GUCY2D: variants seen among roughly 807,000 people sequenced by gnomAD.
GUCY2D encodes retinal guanylyl cyclase 1.
In GUCY2D, 70 loss-of-function variants were observed where a neutral mutation model predicts 101.3. That is an observed-to-expected ratio of 0.69 (90% confidence interval 0.57 to 0.84). The LOEUF is 0.84. GUCY2D is among the 40% of genes least tolerant of loss of function. The probability of loss-of-function intolerance (pLI) is 0.00; values close to 1 mark genes in which losing one functional copy is unlikely to be tolerated. For synonymous variants in GUCY2D, 688 were observed against 670.7 expected (o/e 1.03, Z -0.40); for missense variants, 1,460 against 1,542.5 (o/e 0.95, Z 0.90).
chr17:8,015,675 C>G (rs1975954285), intron 15 of GUCY2D, 68 bp from the exon 16 acceptor site: 1 of 1,287,358 alleles, frequency 7.8e-7, no homozygotes, highest in South Asian at 1.3e-5. Flanking sequence ...GAAGATCCCC[C>G]GAGGCCCTAC....
chr17:8,003,940 T>C lies in GUCY2D; in HGVS notation c.810T>C (p.Asp270=). The C allele has an allele frequency of 1.2e-6, 2 of 1,613,660 alleles. No individual in the cohort carries two copies. The highest frequency in any genetic ancestry group is 1.7e-6 in the Non-Finnish European group (2 of 1,179,876). The change falls in exon 3 of 20, where the codon GAT becomes GAC. Residue 270 remains aspartate, a synonymous_variant. Transcript: ENST00000254854. ...LEAAEELGLT[D]GSLVFLPFDT... is the part of the protein sequence containing the mutation. ...CCGCAGAGGAGCTGGGCCTGACCGA[T>C]GGCTCCCTGGTCTTCCTGCCCTTCG... is the stretch of plus-strand genomic sequence containing the variant.
Position 8,013,859 on chromosome 17 carries a change from A to C in GUCY2D, c.2264-21A>C, listed in dbSNP as rs781114491. ...TTGTGTTCTGGGGGCACTCCCCCTC[A>C]CTGTCCCCTCATGCCTCCAGAAGTG... On this transcript the variant is annotated intron_variant, in intron 11 of 19. Coordinates refer to ENST00000254854, the MANE Select transcript of GUCY2D (RefSeq NM_000180.4). This position sits in a 1 kb window ranked among gnomAD's most constrained non-coding sequence, Gnocchi z 5.0. 6.2e-7 allele frequency: 1 copy of C among 1,611,438 alleles called. No homozygotes were observed.
Position 8,013,246 on chromosome 17 carries a change from C to T in GUCY2D, c.2257C>T (p.Pro753Ser). 6.2e-7 allele frequency: 1 copy of T among 1,614,050 alleles called. No individual in the cohort carries two copies. Among genetic ancestry groups the T allele is most frequent in the African/African-American group, 1.3e-5 (1 of 75,048 alleles). ...SAPYAMLELT[P>S]EEVVQRVRSP... is the part of the protein sequence containing the mutation. ...CCCTTATGCCATGCTGGAGCTCACT[C>T]CCGAGGGTAAGGCTGCCCTGTGCGT... The change falls in exon 11 of 20, where the codon CCC becomes TCC. Residue 753 changes from proline (P) to serine (S), a missense_variant. This residue lies in a region of GUCY2D where 1,196 missense variants were observed against 1,229.6 expected (regional missense o/e 0.97). Transcript: ENST00000254854. The surrounding 1 kb of genome is among the most constrained non-coding windows in gnomAD (Gnocchi z 5.0).
intron 19 of GUCY2D, among the ~76,000 whole-genome samples, chr17:8,019,499 A>C (rs1409000787): frequency 2.6e-5 from 4 of 152,160 alleles, no homozygotes; most frequent in Non-Finnish European, 5.9e-5. Flanking sequence ...CCTCAAGCTC[A>C]AGTGACCAGA....
In GUCY2D at chr17:8,015,522, A is replaced by C; in HGVS notation, c.2944+20A>C. On this transcript the variant is annotated intron_variant, in intron 15 of 19. Transcript: ENST00000254854. ...ACTCGGGTAACTCCCGGGTCTTCCCAGGCTCCAGCCCATCTCCCTCTTTAG... is the reference window on the plus strand; with the variant it reads ...ACTCGGGTAACTCCCGGGTCTTCCCCGGCTCCAGCCCATCTCCCTCTTTAG... 1 of 1,603,738 alleles carries C rather than the reference A, an allele frequency of 6.2e-7. No individual in the cohort carries two copies. The highest frequency in any genetic ancestry group is 8.5e-7 in the Non-Finnish European group (1 of 1,174,932).
At position 8,003,870 on chromosome 17, in the gene GUCY2D, A is replaced by G. The variant is rs768206746; in HGVS notation, c.740A>G (p.His247Arg). 2 of 1,612,540 alleles carry G rather than the reference A, an allele frequency of 1.2e-6. No homozygotes were observed. The highest frequency in any genetic ancestry group is 1.3e-5 in the African/African-American group (1 of 74,840). The change falls in exon 3 of 20, where the codon CAC becomes CGC. Residue 247 changes from histidine (H) to arginine (R), a missense_variant. His to Arg is a conservative substitution (Grantham distance 29, BLOSUM62 0). Coordinates refer to ENST00000254854, the MANE Select transcript of GUCY2D (RefSeq NM_000180.4). Reference sequence around the variant, plus strand: ...TCCGCAGCAGTGATCATGGTGATGCACTCGGTGCTGCTGGGTGGCGAGGAG... The same window carrying G: ...TCCGCAGCAGTGATCATGGTGATGCGCTCGGTGCTGCTGGGTGGCGAGGAG... ...PRVTAVIMVM[H>R]SVLLGGEEQR...
At position 8,016,196 on chromosome 17, in the gene GUCY2D, T is replaced by A; in HGVS notation, c.3139-9T>A. The A allele has an allele frequency of 6.4e-7, 1 of 1,569,518 alleles. No homozygotes were observed. The highest frequency in any genetic ancestry group is 8.7e-7 in the Non-Finnish European group (1 of 1,152,724). ...CGCCTAAGTCCTTCCCTCTCCCATG[T>A]CTCCCCAGGGCAAGGGCGCCGAGGA... On this transcript the variant is annotated splice_polypyrimidine_tract_variant and intron_variant, in intron 17 of 19. Coordinates refer to ENST00000254854, the MANE Select transcript of GUCY2D (RefSeq NM_000180.4).
Position 8,016,281 on chromosome 17 carries a change from T to C in GUCY2D, c.3215T>C (p.Leu1072Pro). ...AAGCCCATCCCCAAACCGCCTGACC[T>C]GCAACCGGGGTGAGGGGCCGGCCTC... Reference protein sequence around the residue: ...FNKPIPKPPDLQPGSSNHGIS... With the variant: ...FNKPIPKPPDPQPGSSNHGIS... The change falls in exon 18 of 20, where the codon CTG (leucine) becomes CCG (proline). Residue 1072 changes from leucine (L) to proline (P), a missense_variant. Around this residue, in one of 3 missense-constraint regions of GUCY2D, gnomAD observed 215 missense variants for 227.9 expected, o/e 0.94. Transcript: ENST00000254854. The C allele has an allele frequency of 6.4e-7, 1 of 1,569,412 alleles. No individual in the cohort carries two copies. Among genetic ancestry groups the C allele is most frequent in the African/African-American group, 1.3e-5 (1 of 74,362 alleles).
At chr17:8,012,694 G>A (rs1975880161) in intron 10 of GUCY2D, 88 bp downstream of exon 10, 9 of 1,040,836 alleles carry the variant, frequency 8.6e-6, no homozygotes, top group South Asian at 5.1e-5. Flanking sequence ...CTCTGCCCTC[G>A]CACTCTCTTC....
In GUCY2D at chr17:8,011,960, G is replaced by A. The variant is rs1598148844; in HGVS notation, c.1750-184G>A. ...CCAAACAGTGGCCTTTGACTATATTGTTTTTTCCAAAAATAGGACTATGTG... is the reference window on the plus strand; with the variant it reads ...CCAAACAGTGGCCTTTGACTATATTATTTTTTCCAAAAATAGGACTATGTG... On this transcript the variant is annotated intron_variant, in intron 8 of 19. Transcript: ENST00000254854. This position sits in a 1 kb window ranked among gnomAD's most constrained non-coding sequence, Gnocchi z 4.3. 6.6e-6 allele frequency among the ~76,000 whole-genome samples: 1 copy of A among 152,140 alleles called. No individual in the cohort carries two copies. Among genetic ancestry groups the A allele is most frequent in the Non-Finnish European group, 1.5e-5 (1 of 68,028 alleles).
In GUCY2D at chr17:8,015,760, G is replaced by A. The variant is rs1323485313; in HGVS notation, c.2962G>A (p.Val988Met). 6.2e-7 allele frequency: 1 copy of A among 1,610,368 alleles called. No individual in the cohort carries two copies. Among genetic ancestry groups the A allele is most frequent in the Non-Finnish European group, 8.5e-7 (1 of 1,178,564 alleles). ...CTCCACAGGTCCATGCGTGGCAGGC[G>A]TGGTGGGCCTCACCATGCCGCGGTA... ...GLHSGPCVAG[V>M]VGLTMPRYCL... Residue 988 changes from valine to methionine, a missense_variant, in exon 16 of 20, where the codon GTG becomes ATG. By Grantham distance (21) the Val-to-Met change is conservative. Around this residue, in one of 3 missense-constraint regions of GUCY2D, gnomAD observed 215 missense variants for 227.9 expected, o/e 0.94. Coordinates refer to ENST00000254854, the MANE Select transcript of GUCY2D (RefSeq NM_000180.4).
At chr17:8,006,082 G>A (rs1014647506) in intron 3 of GUCY2D, among the ~76,000 whole-genome samples, 5 of 152,106 alleles carry the variant, frequency 3.3e-5, no homozygotes, top group Admixed American at 2.6e-4. Context: ...AGGAGGCTGA[G>A]TCCTGAAAAG....
At chr17:8,007,235 AGAG>A (rs1783100914) in intron 5 of GUCY2D, 91 bp downstream of exon 5, 3 of 1,062,318 alleles carry the variant, frequency 2.8e-6, no homozygotes, top group Admixed American at 3.4e-5. Context: ...ACTCAGGAGT[AGAG>A]GAGGAGATTT....
intron 19 of GUCY2D, 94 bp downstream of exon 19, chr17:8,016,648 C>T (rs912079692): frequency 1.5e-6 from 1 of 671,964 alleles, no homozygotes; most frequent in Non-Finnish European, 2.6e-6. Flanking sequence ...CCCTTTCTGA[C>T]TTAGAGAGCC....
chr17:8,013,363 A>C lies in GUCY2D; in HGVS notation c.2263+111A>C. 1 of 1,075,532 alleles carries C rather than the reference A, an allele frequency of 9.3e-7. No homozygotes were observed. The highest frequency in any genetic ancestry group is 1.3e-5 in the South Asian group (1 of 74,676). The allele number at this position is 1,075,532 out of a possible 1,614,324, so 66.6% of individuals were successfully genotyped here. On this transcript the variant is annotated intron_variant, in intron 11 of 19. Coordinates refer to ENST00000254854, the MANE Select transcript of GUCY2D (RefSeq NM_000180.4). This position sits in a 1 kb window ranked among gnomAD's most constrained non-coding sequence, Gnocchi z 5.0. Reference sequence around the variant, plus strand: ...AAGCCCAGTGATGAAACTCAATTATACGGAGGCCCCCTTAAAGCTGGCATC... The same window carrying C: ...AAGCCCAGTGATGAAACTCAATTATCCGGAGGCCCCCTTAAAGCTGGCATC...
intron 19 of GUCY2D, among the ~76,000 whole-genome samples, chr17:8,017,321 G>C (rs549142397): frequency 6.6e-6 from 1 of 152,272 alleles, no homozygotes; most frequent in African/African-American, 2.4e-5. Flanking sequence ...GGGATGTGAG[G>C]GTCAGGGATT....
At position 8,007,437 on chromosome 17, in the gene GUCY2D, T is replaced by C; in HGVS notation, c.1475T>C (p.Leu492Pro). The C allele has an allele frequency of 6.2e-7, 1 of 1,612,140 alleles. No individual in the cohort carries two copies. The change falls in exon 6 of 20, where the codon CTT (leucine) becomes CCT (proline). Residue 492 changes from leucine (L) to proline (P), a missense_variant. Transcript: ENST00000254854. ...FLAHYVRHRL[L>P]HMQMVSGPNK... Reference sequence around the variant, plus strand: ...TCTTTCTCCACCAGGCACCGGCTACTTCACATGCAAATGGTCTCCGGCCCC... The same window carrying C: ...TCTTTCTCCACCAGGCACCGGCTACCTCACATGCAAATGGTCTCCGGCCCC...
In GUCY2D at chr17:8,011,392, T is replaced by C. The variant is rs1351407032; in HGVS notation, c.1750-752T>C. Among the ~76,000 whole-genome samples, 1 of 150,590 alleles carries C rather than the reference T, an allele frequency of 6.6e-6. No individual in the cohort carries two copies. The highest frequency in any genetic ancestry group is 1.5e-5 in the Non-Finnish European group (1 of 67,744). ...AGAATCTGTCTAAAAAAAAAATACA[T>C]AAACAAAAGAAAAGAAAGAAAGTGG... On this transcript the variant is annotated intron_variant, in intron 8 of 19. Coordinates refer to ENST00000254854, the MANE Select transcript of GUCY2D (RefSeq NM_000180.4). The surrounding 1 kb of genome is among the most constrained non-coding windows in gnomAD (Gnocchi z 4.3).
rs1172087698 is a variant in GUCY2D, at chr17:8,014,239, G to A, written c.2412+211G>A. On this transcript the variant is annotated intron_variant, in intron 12 of 19. Transcript: ENST00000254854. This position sits in a 1 kb window ranked among gnomAD's most constrained non-coding sequence, Gnocchi z 4.0. ...GGAGTGGGAGATAGAGTTCTGTCTG[G>A]GTGGGAGGAATATTCAATTCAATTC... The A allele has an allele frequency of 6.4e-6, 4 of 625,902 alleles. No homozygotes were observed. Among genetic ancestry groups the A allele is most frequent in the South Asian group, 5.6e-5 (3 of 54,030 alleles). 38.8% of individuals were successfully genotyped at this position (625,902 alleles called of 1,614,324 possible).
Sources: gnomAD v4.1 joint callset for allele counts (sites outside exome capture counted in the v4.1 genomes callset) on GRCh38, gnomAD v4.1.1 for gene constraint, gnomAD v4.1.1 regional missense constraint, Gnocchi (gnomAD v3.1) non-coding constraint, MANE v1.5 for transcripts, NCBI Gene and HGNC (gene_info 2026-07-23, HGNC 2026-07-21) for gene names.